The following WDR62 variants were observed in gnomAD, a reference collection of about 807,000 sequenced individuals.
WDR62 encodes the protein WD repeat domain 62, also known as WD repeat-containing protein 62.
Under a neutral mutation model 160.6 loss-of-function variants are expected in WDR62, and 112 were observed. That is an observed-to-expected ratio of 0.70 (90% CI 0.60 to 0.82). WDR62 has a LOEUF of 0.82. WDR62 is among the 40% of genes least tolerant of loss of function. WDR62 has a pLI of 0.00. For synonymous variants in WDR62, 792 were observed against 815.1 expected (o/e 0.97, Z 0.48); for missense variants, 1,819 against 1,983.8 (o/e 0.92, Z 1.58).
Position 36,067,430 on chromosome 19 carries a change from C to G in WDR62, c.686C>G (p.Ser229Cys), listed in dbSNP as rs750215007. Residue 229 changes from serine to cysteine, a missense_variant, in exon 6 of 32, where the codon TCC becomes TGC. Transcript: ENST00000401500. The stretch of plus-strand genomic sequence containing the variant: ...GTGAGGTTCTGGTTCTTGGAAGTCT[C>G]CACTGAGACAAAGGTGAGTTTCTGT... ...RHVRFWFLEV[S>C]TETKVTSTVP... 2.5e-6 allele frequency: 4 copies of G among 1,614,214 alleles called. No individual in the cohort carries two copies. Among genetic ancestry groups the G allele is most frequent in the Non-Finnish European group, 3.4e-6 (4 of 1,180,030 alleles).
downstream of WDR62, chr19:36,105,154 G>A (rs2145892064): frequency 8.0e-7 from 1 of 1,256,568 alleles, no homozygotes; most frequent in South Asian, 1.4e-5. Context: ...CCCTCTTCAA[G>A]TGGAAGTGGG....
At chr19:36,108,417 C>T (rs1293897516), downstream of WDR62, among the ~76,000 whole-genome samples, 1 of 152,072 alleles carries the variant, frequency 6.6e-6, no homozygotes, top group African/African-American at 2.4e-5. Flanking sequence ...ACCATCAGGA[C>T]AGCTCCTGGG....
chr19:36,102,966 T>A lies in WDR62; in HGVS notation c.3354T>A (p.Pro1118=), dbSNP rs200738311. 16 of 1,614,048 alleles carry A rather than the reference T, an allele frequency of 9.9e-6. No homozygotes were observed. In the East Asian group the frequency reaches 2.7e-4, roughly 27 times the overall value. ...CCCACAGGTTCACCCATACCTTCCC[T>A]CCCCGGGCAACCCAGTGCCTTGTGA... ...QKASRFTHTF[P]PRATQCLVKS... Residue 1118 remains proline, a synonymous_variant, in exon 28 of 32, where the codon CCT becomes CCA. Transcript: ENST00000401500.
chr19:36,110,340 G>A, the WDR62 span, among the ~76,000 whole-genome samples: 2 of 152,092 alleles, frequency 1.3e-5, no homozygotes, highest in African/African-American at 2.4e-5. Context: ...GTGTGGTGGT[G>A]CATGCCTGTA....
intron 1 of WDR62, 28 bp from the exon 2 acceptor site, chr19:36,058,752 G>C: frequency 5.6e-6 from 9 of 1,598,192 alleles, no homozygotes; most frequent in Non-Finnish European, 7.7e-6. Flanking sequence ...TAGGGTGGGT[G>C]CCTCTGACTT....
At chr19:36,089,339 G>A in intron 15 of WDR62, 33 bp downstream of exon 15, 1 of 1,614,130 alleles carries the variant, frequency 6.2e-7, no homozygotes, top group Non-Finnish European at 8.5e-7. Flanking sequence ...TAGCTGGCCT[G>A]GTCTGCCTTG....
chr19:36,092,629 G>T, intron 18 of WDR62, 60 bp from the exon 19 acceptor site: 2 of 1,610,496 alleles, frequency 1.2e-6, no homozygotes, highest in East Asian at 2.2e-5. Context: ...GGTCAGCCAC[G>T]GCAGCGGCTC....
intron 8 of WDR62, among the ~76,000 whole-genome samples, chr19:36,072,821 T>C (rs1971370024): frequency 6.6e-6 from 1 of 152,210 alleles, no homozygotes. Context: ...TTTTCTCATG[T>C]GTAAAATACA....
Position 36,103,825 on chromosome 19 carries a change from G to T in WDR62, c.3997G>T (p.Glu1333Ter). ...GAGCTTCCCAGCCCCTAGCCCTGTG[G>T]AAGAGAGCGCCCTGAGGCTCCACGG... is the stretch of plus-strand genomic sequence containing the variant. ...AVSFPAPSPV[E>*]ESALRLHGSA... The change falls in exon 30 of 32, where the codon GAA (glutamate) becomes TAA (stop). Residue 1333 changes from glutamate to a stop codon, truncating the protein, a stop_gained. Coordinates refer to ENST00000401500, the MANE Select transcript of WDR62 (RefSeq NM_001083961.2). LOFTEE classifies it high-confidence loss of function. The T allele has an allele frequency of 6.2e-7, 1 of 1,606,994 alleles. No individual in the cohort carries two copies.
chr19:36,099,574 T>G lies in WDR62; in HGVS notation c.2696T>G (p.Leu899Arg). 1.9e-6 allele frequency: 3 copies of G among 1,614,228 alleles called. No homozygotes were observed. Among genetic ancestry groups the G allele is most frequent in the Non-Finnish European group, 2.5e-6 (3 of 1,180,038 alleles). The change falls in exon 22 of 32, where the codon CTG becomes CGG. Residue 899 changes from leucine to arginine, a missense_variant. Physicochemically the swap from Leu to Arg is moderately radical, Grantham distance 102. This residue lies in a region of WDR62 where 934 missense variants were observed against 1,157.2 expected (regional missense o/e 0.81). Transcript: ENST00000401500. ...MKPESLENSI[L>R]DSLEPQSLAS... ...CCCGAGAGTCTGGAGAACTCCATTC[T>G]GGATTCACTGGAGCCACAGAGCCTG...
intron 11 of WDR62, among the ~76,000 whole-genome samples, chr19:36,083,979 G>A (rs1376060557): frequency 6.6e-6 from 1 of 152,124 alleles, no homozygotes; most frequent in East Asian, 1.9e-4. Flanking sequence ...AGCTCAGTGT[G>A]TCAGTGAGCT....
At chr19:36,092,573 G>T in intron 18 of WDR62, 116 bp from the exon 19 acceptor site, 1 of 1,443,352 alleles carries the variant, frequency 6.9e-7, no homozygotes. Context: ...TGTTTTCCAG[G>T]AGCATCTGGA....
intron 22 of WDR62, among the ~76,000 whole-genome samples, chr19:36,100,311 T>C (rs1007681549): frequency 1.3e-4 from 20 of 152,200 alleles, no homozygotes; most frequent in African/African-American, 4.8e-4. Flanking sequence ...ATAATATACA[T>C]CCAGTAACAT....
At chr19:36,106,278 A>T (rs1465458677), downstream of WDR62, among the ~76,000 whole-genome samples, 1 of 151,466 alleles carries the variant, frequency 6.6e-6, no homozygotes, top group African/African-American at 2.4e-5. Flanking sequence ...AGGCAGGAGA[A>T]TCGCTCAAAC....
intron 21 of WDR62, among the ~76,000 whole-genome samples, chr19:36,097,904 G>T (rs1429572664): frequency 7.7e-6 from 1 of 129,680 alleles, no homozygotes; most frequent in Non-Finnish European, 1.8e-5. Context: ...AAATAAAAAA[G>T]AAAATAAGGA....
At chr19:36,083,762 TG>T (rs1479477971) in intron 11 of WDR62, among the ~76,000 whole-genome samples, 1 of 152,114 alleles carries the variant, frequency 6.6e-6, no homozygotes, top group African/African-American at 2.4e-5. Flanking sequence ...ACCTGGGTAT[TG>T]GAGCCACTGG....
chr19:36,058,950 T>C, intron 2 of WDR62, 79 bp downstream of exon 2: 1 of 1,193,388 alleles, frequency 8.4e-7, no homozygotes. Context: ...CGTAAATCGC[T>C]CTGAGCCTCA....
rs1973348017 is a variant in WDR62, at chr19:36,101,681, G to A, written c.2989G>A (p.Ala997Thr). Residue 997 changes from alanine (A) to threonine (T), a missense_variant, in exon 25 of 32, where the codon GCC becomes ACC. Ala to Thr is a moderately conservative substitution (Grantham distance 58). This residue lies in a region of WDR62 where 770 missense variants were observed against 734.2 expected (regional missense o/e 1.05). Transcript: ENST00000401500. ...TCCTTCAGACTCGGGGGAGTCAGAG[G>A]CCGACCTGGAGTGCAGCTTCGCAGC... is the stretch of plus-strand genomic sequence containing the variant. ...SPPEDSGESE[A>T]DLECSFAAIH... 6.4e-7 allele frequency: 1 copy of A among 1,550,984 alleles called. No homozygotes were observed. The highest frequency in any genetic ancestry group is 1.4e-5 in the African/African-American group (1 of 73,152).
In WDR62 at chr19:36,083,198, G is replaced by C; in HGVS notation, c.1507G>C (p.Asp503His). The stretch of plus-strand genomic sequence containing the variant: ...GGTGCGGGTCATGCAGGTCAGTCCT[G>C]ACGGCCAGCATTTGGCTTCAGGCGA... ...AGVRVMQVSP[D>H]GQHLASGDRS... The change falls in exon 11 of 32, where the codon GAC becomes CAC. Residue 503 changes from aspartate to histidine, a missense_variant. Coordinates refer to ENST00000401500, the MANE Select transcript of WDR62 (RefSeq NM_001083961.2). 6.2e-7 allele frequency: 1 copy of C among 1,610,438 alleles called. No homozygotes were observed. Among genetic ancestry groups the C allele is most frequent in the Non-Finnish European group, 8.5e-7 (1 of 1,178,134 alleles).
Sources: allele counts gnomAD v4.1 joint callset (sites outside exome capture counted in the v4.1 genomes callset), GRCh38; gene constraint gnomAD v4.1.1; regional missense constraint gnomAD v4.1.1; transcripts MANE v1.5; gene names NCBI Gene and HGNC (gene_info 2026-07-23, HGNC 2026-07-21).